The following SYTL5 variants were observed in gnomAD, a reference collection of about 807,000 sequenced individuals.
SYTL5 encodes synaptotagmin-like protein 5.
A neutral mutation model predicts 55.9 loss-of-function variants in SYTL5; 34 were observed. The observed-to-expected ratio is 0.61, with a 90% CI of 0.46 to 0.81. The LOEUF (loss-of-function observed/expected upper bound fraction) is 0.81, where lower values mean the gene tolerates loss of function less well. Among genes scored for constraint, SYTL5 ranks in the 30% least tolerant of loss-of-function variants. SYTL5 has a pLI of 0.00. For synonymous variants in SYTL5, 221 were observed against 188.7 expected (o/e 1.17, Z -1.40); for missense variants, 637 against 546.7 (o/e 1.17, Z -1.65).
the SYTL5 span, among the ~76,000 whole-genome samples, chrX:37,932,214 T>TA: frequency 9.0e-6 from 1 of 111,630 alleles, no homozygotes; most frequent in Non-Finnish European, 1.9e-5. Flanking sequence ...CATGGAGCAG[T>TA]AAACAGCTGA....
chrX:38,057,288 A>G (rs1301413044), intron 3 of SYTL5, among the ~76,000 whole-genome samples: 2 of 111,598 alleles, frequency 1.8e-5, no homozygotes, highest in African/African-American at 6.5e-5. Flanking sequence ...AAATGAGCTC[A>G]CTGTAGATGT....
the SYTL5 span, among the ~76,000 whole-genome samples, chrX:37,937,487 C>T: frequency 9.0e-6 from 1 of 111,588 alleles, no homozygotes; most frequent in Admixed American, 9.5e-5. Flanking sequence ...AGTCCTACAA[C>T]TGCAAGAAAT....
the SYTL5 span, among the ~76,000 whole-genome samples, chrX:37,940,834 C>T: frequency 3.6e-5 from 4 of 110,432 alleles, no homozygotes; most frequent in East Asian, 1.1e-3. Context: ...ATTTGGAAAA[C>T]CTGATTAGAA....
intron 15 of SYTL5, among the ~76,000 whole-genome samples, chrX:38,123,941 G>T (rs2147723789): frequency 9.0e-6 from 1 of 111,547 alleles, no homozygotes; most frequent in Admixed American, 9.5e-5. Flanking sequence ...CATTAGGTCG[G>T]TCTGTGAGCC....
chrX:38,113,685 T>A (rs1190930978), intron 13 of SYTL5, among the ~76,000 whole-genome samples: 1 of 111,565 alleles, frequency 9.0e-6, no homozygotes, highest in Non-Finnish European at 1.9e-5. Context: ...CAGCCAAAGA[T>A]GTTAGTTCTC....
At chrX:38,108,500 C>T (rs1323486884) in intron 11 of SYTL5, 100 bp from the exon 12 acceptor site, 1 of 566,386 alleles carries the variant, frequency 1.8e-6, no homozygotes, top group South Asian at 3.0e-5. Flanking sequence ...TCCGCTCATG[C>T]TCACTGGCCC....
chrX:37,933,571 TTTTCTTCAG>T, the SYTL5 span, among the ~76,000 whole-genome samples: 1 of 112,235 alleles, frequency 8.9e-6, no homozygotes, highest in Non-Finnish European at 1.9e-5. Context: ...ATGTAAAGCT[TTTTCTTCAG>T]AGAATTTGTC....
chrX:37,934,771 C>T, the SYTL5 span, among the ~76,000 whole-genome samples: 1 of 109,067 alleles, frequency 9.2e-6, no homozygotes, highest in African/African-American at 3.3e-5. Flanking sequence ...GTTGCTGGGA[C>T]TACAGGCACC....
the SYTL5 span, among the ~76,000 whole-genome samples, chrX:37,952,685 T>C: frequency 2.7e-5 from 3 of 110,597 alleles, no homozygotes; most frequent in South Asian, 3.9e-4. Context: ...TTGTGAGTGA[T>C]AGATTTGAGG....
At chrX:38,113,416 C>CT (rs1394409707) in intron 13 of SYTL5, among the ~76,000 whole-genome samples, 1 of 111,926 alleles carries the variant, frequency 8.9e-6, no homozygotes, top group Admixed American at 9.4e-5. Context: ...AAGGCTCTCT[C>CT]TTTTTTTGGC....
chrX:38,067,067 G>T (rs1936118310), intron 3 of SYTL5, among the ~76,000 whole-genome samples: 1 of 111,755 alleles, frequency 8.9e-6, no homozygotes, highest in Non-Finnish European at 1.9e-5. Context: ...ACACCTGAGA[G>T]GGTGACAAAG....
chrX:38,011,506 C>T (rs913332513), intron 1 of SYTL5, among the ~76,000 whole-genome samples: 3 of 110,805 alleles, frequency 2.7e-5, no homozygotes, highest in African/African-American at 9.9e-5. Context: ...CGGTGGCTGC[C>T]GCCTATAGTC....
chrX:38,080,468 C>T, intron 6 of SYTL5, among the ~76,000 whole-genome samples: 1 of 111,146 alleles, frequency 9.0e-6, no homozygotes, highest in Non-Finnish European at 1.9e-5. Flanking sequence ...TCCAGTTATT[C>T]CTAATTGCTC....
At chrX:37,939,215 C>G in the SYTL5 span, among the ~76,000 whole-genome samples, 1 of 106,793 alleles carries the variant, frequency 9.4e-6, no homozygotes, top group Non-Finnish European at 1.9e-5. Context: ...GAGCTGAGAT[C>G]GCACCATTGC....
At chrX:38,114,229 C>T (rs1937429927) in intron 13 of SYTL5, among the ~76,000 whole-genome samples, 1 of 111,817 alleles carries the variant, frequency 8.9e-6, no homozygotes, top group Admixed American at 9.5e-5. Context: ...CAACCCCCAT[C>T]ATATTTTACT....
chrX:38,050,626 AT>A (rs1332164236), intron 2 of SYTL5, among the ~76,000 whole-genome samples: 1 of 111,514 alleles, frequency 9.0e-6, no homozygotes, highest in East Asian at 2.8e-4. Flanking sequence ...TAAAAAAAAA[AT>A]AAGCGGGAGC....
At chrX:38,117,094 C>G (rs1165742168) in intron 13 of SYTL5, among the ~76,000 whole-genome samples, 1 of 111,969 alleles carries the variant, frequency 8.9e-6, no homozygotes, top group Non-Finnish European at 1.9e-5. Context: ...ATTCTGCTAA[C>G]TTTTTCTGAG....
chrX:38,082,285 C>T (rs1228395055), intron 6 of SYTL5, among the ~76,000 whole-genome samples: 6 of 111,640 alleles, frequency 5.4e-5, no homozygotes, highest in Non-Finnish European at 1.1e-4. Context: ...ACACCTTCCC[C>T]TCCTCCAATT....
At chrX:37,971,135 T>G in the SYTL5 span, among the ~76,000 whole-genome samples, 1 of 111,916 alleles carries the variant, frequency 8.9e-6, no homozygotes, top group African/African-American at 3.2e-5. Flanking sequence ...ATTTTTAGTA[T>G]TGAAGATGTT....
Sources: allele counts gnomAD v4.1 joint callset (sites outside exome capture counted in the v4.1 genomes callset), GRCh38; gene constraint gnomAD v4.1.1; transcripts MANE v1.5; gene names NCBI Gene and HGNC (gene_info 2026-07-23, HGNC 2026-07-21).